The following PDE3B variants were observed in gnomAD, a reference collection of about 807,000 sequenced individuals.
The protein encoded by PDE3B is cGMP-inhibited 3',5'-cyclic phosphodiesterase 3B.
In PDE3B, 66 loss-of-function variants were observed where a neutral mutation model predicts 116.8. That is an observed-to-expected ratio of 0.56 (90% CI 0.46 to 0.69). The LOEUF (loss-of-function observed/expected upper bound fraction) is 0.69. Ranked by LOEUF, PDE3B falls within the 30% of genes least tolerant of loss-of-function variation. PDE3B has a pLI of 0.00. For missense variants in PDE3B, 1,384 were observed against 1,368.1 expected (o/e 1.01, Z -0.18); for synonymous variants, 595 against 533.6 (o/e 1.12, Z -1.59).
chr11:14,746,500 C>T (rs997261324), intron 1 of PDE3B, among the ~76,000 whole-genome samples: 1 of 152,170 alleles, frequency 6.6e-6, no homozygotes, highest in Non-Finnish European at 1.5e-5. Context: ...AAGGCTTCAC[C>T]CTCTCTCAAC....
chr11:14,830,557 TA>T (rs1859846013), intron 7 of PDE3B, 140 bp from the exon 8 acceptor site: 2 of 403,458 alleles, frequency 5.0e-6, no homozygotes, highest in African/African-American at 2.1e-5. Context: ...AGATACAACT[TA>T]ATGGTATCGT....
intron 12 of PDE3B, among the ~76,000 whole-genome samples, chr11:14,854,844 A>C (rs1225604082): frequency 2.6e-5 from 4 of 152,150 alleles, no homozygotes; most frequent in African/African-American, 9.7e-5. Flanking sequence ...TACACAGAAA[A>C]CCAAGGATCA....
At position 14,818,186 on chromosome 11, in the gene PDE3B, T is replaced by A; in HGVS notation, c.1526T>A (p.Val509Asp). ...TCCTTTCTTTTAATTTTTAAAGGTGTTTTGTCCAGTCTGAGTCCTGTGAAT... is the reference window on the plus strand; with the variant it reads ...TCCTTTCTTTTAATTTTTAAAGGTGATTTGTCCAGTCTGAGTCCTGTGAAT... Reference protein sequence around the residue: ...THHVGLRRAGVLSSLSPVNSS... With the variant: ...THHVGLRRAGDLSSLSPVNSS... Residue 509 changes from valine (V) to aspartate (D), a missense_variant, in exon 6 of 16, where the codon GTT (valine) becomes GAT (aspartate). By Grantham distance (152) the Val-to-Asp change is radical (BLOSUM62 -3). Around this residue, in one of 2 missense-constraint regions of PDE3B, gnomAD observed 956 missense variants for 806.8 expected, o/e 1.18. Coordinates refer to ENST00000282096, the MANE Select transcript of PDE3B (RefSeq NM_000922.4). 6.2e-7 allele frequency: 1 copy of A among 1,603,094 alleles called. No homozygotes were observed. The highest frequency in any genetic ancestry group is 8.5e-7 in the Non-Finnish European group (1 of 1,170,302).
chr11:14,651,233 C>T (rs906300513), intron 1 of PDE3B, among the ~76,000 whole-genome samples: 3 of 152,186 alleles, frequency 2.0e-5, no homozygotes, highest in Admixed American at 6.5e-5. Flanking sequence ...TCTTCATCTT[C>T]GCATGGCATT....
intron 3 of PDE3B, among the ~76,000 whole-genome samples, chr11:14,787,318 C>G (rs551284980): frequency 1.3e-5 from 2 of 151,890 alleles, no homozygotes; most frequent in Non-Finnish European, 2.9e-5. Context: ...TTTTATTTGA[C>G]TATTATCAGT....
intron 1 of PDE3B, among the ~76,000 whole-genome samples, chr11:14,677,131 A>AT (rs952558415): frequency 2.6e-5 from 4 of 151,828 alleles, no homozygotes; most frequent in African/African-American, 7.3e-5. Context: ...TTAGTTTTTA[A>AT]TTTTTTTTCT....
chr11:14,844,884 C>T (rs567137602), intron 12 of PDE3B, among the ~76,000 whole-genome samples: 8 of 152,358 alleles, frequency 5.3e-5, no homozygotes, highest in African/African-American at 1.9e-4. Context: ...CTGCCTGCCT[C>T]TGTAGGCTCC....
At chr11:14,690,206 G>C (rs909760402) in intron 1 of PDE3B, among the ~76,000 whole-genome samples, 1 of 152,102 alleles carries the variant, frequency 6.6e-6, no homozygotes, top group African/African-American at 2.4e-5. Flanking sequence ...AATACACGGG[G>C]CCAGAAGCTA....
chr11:14,695,958 C>T (rs952973184), intron 1 of PDE3B, among the ~76,000 whole-genome samples: 11 of 152,112 alleles, frequency 7.2e-5, no homozygotes, highest in African/African-American at 1.4e-4. Context: ...TATTGTGAAT[C>T]GTGCTGCAGT....
chr11:14,770,959 A>G (rs1271795781), intron 1 of PDE3B, among the ~76,000 whole-genome samples: 1 of 151,660 alleles, frequency 6.6e-6, no homozygotes, highest in African/African-American at 2.4e-5. Flanking sequence ...TGCATTTTAA[A>G]GGGTTATAAA....
chr11:14,844,036 A>C lies in PDE3B; in HGVS notation c.2520+10A>C. Reference sequence around the variant, plus strand: ...TACAAATGCCCCTCAGGTAGGAAATATTTTTAAGAACCTTTAAAGAGTAAT... The same window carrying C: ...TACAAATGCCCCTCAGGTAGGAAATCTTTTTAAGAACCTTTAAAGAGTAAT... On this transcript the variant is annotated intron_variant, in intron 12 of 15. Transcript: ENST00000282096. 1 of 1,600,364 alleles carries C rather than the reference A, an allele frequency of 6.2e-7. No homozygotes were observed. The highest frequency in any genetic ancestry group is 8.6e-7 in the Non-Finnish European group (1 of 1,167,704).
chr11:14,668,033 A>G (rs552201073), intron 1 of PDE3B, among the ~76,000 whole-genome samples: 41 of 142,234 alleles, frequency 2.9e-4, no homozygotes, highest in African/African-American at 7.7e-5. Context: ...ATGCAAGAGT[A>G]AAAAAAAAAA....
chr11:14,745,989 A>T (rs1350630100), intron 1 of PDE3B, among the ~76,000 whole-genome samples: 1 of 152,200 alleles, frequency 6.6e-6, no homozygotes, highest in Non-Finnish European at 1.5e-5. Context: ...TATGTTGTCC[A>T]GCTCTTCCCT....
chr11:14,818,431 T>A (rs1373811821), intron 6 of PDE3B, 38 bp downstream of exon 6: 1 of 1,403,130 alleles, frequency 7.1e-7, no homozygotes, highest in African/African-American at 1.4e-5. Flanking sequence ...TGTTTCAAAA[T>A]GTTGATTACA....
At chr11:14,696,674 A>G (rs1177739932) in intron 1 of PDE3B, among the ~76,000 whole-genome samples, 1 of 151,974 alleles carries the variant, frequency 6.6e-6, no homozygotes, top group Non-Finnish European at 1.5e-5. Context: ...ATTTATAGTA[A>G]TTCTTTATAT....
At chr11:14,695,673 C>T (rs1256885499) in intron 1 of PDE3B, among the ~76,000 whole-genome samples, 2 of 151,742 alleles carry the variant, frequency 1.3e-5, no homozygotes, top group African/African-American at 4.8e-5. Flanking sequence ...TGCTTCCCCA[C>T]CCTCCCCCAA....
chr11:14,707,501 C>A (rs1012139281), intron 1 of PDE3B, among the ~76,000 whole-genome samples: 1 of 151,826 alleles, frequency 6.6e-6, no homozygotes, highest in Non-Finnish European at 1.5e-5. Flanking sequence ...TTGGTATTAA[C>A]GGTGTGGCTT....
chr11:14,669,589 T>G, intron 1 of PDE3B, among the ~76,000 whole-genome samples: 1 of 151,988 alleles, frequency 6.6e-6, no homozygotes, highest in East Asian at 1.9e-4. Flanking sequence ...ACATTAAGTA[T>G]TCCTCATGCT....
At chr11:14,715,942 C>T (rs571359788) in intron 1 of PDE3B, among the ~76,000 whole-genome samples, 64 of 152,284 alleles carry the variant, frequency 4.2e-4, no homozygotes, top group African/African-American at 1.5e-3. Context: ...AGGAACAGCT[C>T]CGGTCTACAG....
Sources: gnomAD v4.1 joint callset for allele counts (sites outside exome capture counted in the v4.1 genomes callset) on GRCh38, gnomAD v4.1.1 for gene constraint, gnomAD v4.1.1 regional missense constraint, MANE v1.5 for transcripts, NCBI Gene and HGNC (gene_info 2026-07-23, HGNC 2026-07-21) for gene names.